RFX2: variants seen among roughly 807,000 people sequenced by gnomAD.
The protein encoded by RFX2 is DNA-binding protein RFX2.
In RFX2, 20 loss-of-function variants were observed where a neutral mutation model predicts 87.8. The ratio of observed to expected loss-of-function variants is 0.23; its 90% CI spans 0.16 to 0.33. The LOEUF is 0.33. RFX2 is among the 10% of genes least tolerant of loss of function. RFX2 has a pLI of 1.00. For missense variants in RFX2, 767 were observed against 1,012.3 expected (o/e 0.76, Z 3.29); for synonymous variants, 397 against 431.3 (o/e 0.92, Z 0.98).
chr19:6,099,931 G>A (rs972155510), intron 1 of RFX2, among the ~76,000 whole-genome samples: 1 of 152,200 alleles, frequency 6.6e-6, no homozygotes, highest in Non-Finnish European at 1.5e-5. Flanking sequence ...GCTTTTGGCA[G>A]GTAGAGGCCT....
chr19:6,007,862 A>G lies in RFX2; in HGVS notation c.1135-60T>C. The stretch of plus-strand genomic sequence containing the variant: ...CGTGCGCCCATCACGTGCACTCAGC[A>G]CACGTCAAGTGAGCAGCCGTGATCC... On this transcript the variant is annotated intron_variant, in intron 10 of 17. Transcript: ENST00000303657. The surrounding 1 kb of genome is among the most constrained non-coding windows in gnomAD (Gnocchi z 8.2). The G allele has an allele frequency of 8.4e-7, 1 of 1,191,410 alleles. No homozygotes were observed. Among genetic ancestry groups the G allele is most frequent in the Non-Finnish European group, 1.2e-6 (1 of 818,976 alleles). 73.8% of individuals were successfully genotyped at this position (1,191,410 alleles called of 1,614,324 possible).
chr19:6,070,744 C>T (rs1262450076), intron 1 of RFX2, among the ~76,000 whole-genome samples: 1 of 152,184 alleles, frequency 6.6e-6, no homozygotes, highest in Non-Finnish European at 1.5e-5. Context: ...CTCTGTCACC[C>T]AGGCTGGAGT....
rs1472427643 is a variant in RFX2, at chr19:6,039,686, A to C, written c.522+294T>G. Among the ~76,000 whole-genome samples the C allele has an allele frequency of 6.6e-6, 1 of 152,226 alleles. No individual in the cohort carries two copies. Among genetic ancestry groups the C allele is most frequent in the Non-Finnish European group, 1.5e-5 (1 of 68,034 alleles). Reference sequence around the variant, plus strand: ...CAATAATAAGAGCAAAGGAGGCTGCAGCATCCACCAGTGGAGAGATGCTTG... The same window carrying C: ...CAATAATAAGAGCAAAGGAGGCTGCCGCATCCACCAGTGGAGAGATGCTTG... On this transcript the variant is annotated intron_variant, in intron 5 of 17. Transcript: ENST00000303657. This position sits in a 1 kb window ranked among gnomAD's most constrained non-coding sequence, Gnocchi z 5.2.
intron 1 of RFX2, among the ~76,000 whole-genome samples, chr19:6,104,344 C>T (rs1003045085): frequency 5.3e-5 from 8 of 151,748 alleles, no homozygotes; most frequent in Non-Finnish European, 1.2e-4. Flanking sequence ...CTGAGGTGGG[C>T]GGATCATGAG....
chr19:6,035,479 G>A (rs2087009786), intron 5 of RFX2, among the ~76,000 whole-genome samples: 1 of 152,148 alleles, frequency 6.6e-6, no homozygotes, highest in Admixed American at 6.5e-5. Context: ...TTTATAATAT[G>A]GATGACATTT....
intron 15 of RFX2, among the ~76,000 whole-genome samples, chr19:6,000,181 C>T (rs190495139): frequency 5.3e-5 from 8 of 152,212 alleles, no homozygotes; most frequent in East Asian, 3.9e-4. Context: ...GATGGGGTTT[C>T]GCCATGTTGG....
In RFX2 at chr19:5,994,889, C is replaced by T. The variant is rs745839109; in HGVS notation, c.2118G>A (p.Glu706=). The stretch of plus-strand genomic sequence containing the variant: ...CACTGCGCTCCCGCTTTACCAGGGG[C>T]TCACCCAGGCTGCGGGCGTCTGGGC... ...EAGPDARSLG[E]PLVKRERSDP... Residue 706 remains glutamate (E), a synonymous_variant, in exon 18 of 18, where the codon GAG becomes GAA. Coordinates refer to ENST00000303657, the MANE Select transcript of RFX2 (RefSeq NM_000635.4). 3.7e-6 allele frequency: 6 copies of T among 1,610,378 alleles called. No homozygotes were observed. In the Admixed American group the frequency reaches 8.3e-5, roughly 22 times the overall value.
intron 1 of RFX2, among the ~76,000 whole-genome samples, chr19:6,089,204 C>T (rs2087898332): frequency 6.6e-6 from 1 of 152,156 alleles, no homozygotes; most frequent in Admixed American, 6.5e-5. Context: ...AATAAAAGGG[C>T]AGGTATCAAA....
At chr19:6,041,802 C>A (rs1012421207) in intron 4 of RFX2, among the ~76,000 whole-genome samples, 1 of 151,966 alleles carries the variant, frequency 6.6e-6, no homozygotes. Context: ...TGGGCTCATG[C>A]GATCCTCCCA....
chr19:6,026,482 G>A lies in RFX2; in HGVS notation c.523-245C>T. 1 of 566,690 alleles carries A rather than the reference G, an allele frequency of 1.8e-6. No homozygotes were observed. Among genetic ancestry groups the A allele is most frequent in the Non-Finnish European group, 3.1e-6 (1 of 318,412 alleles). The allele number at this position is 566,690 out of a possible 1,614,324, so 35.1% of individuals were successfully genotyped here. A position where few individuals can be genotyped will look rare whatever the true frequency, so the allele number is the denominator to read the frequency against. On this transcript the variant is annotated intron_variant, in intron 5 of 17. Transcript: ENST00000303657. The surrounding 1 kb of genome is among the most constrained non-coding windows in gnomAD (Gnocchi z 4.5). ...CCCGAGAGCCCGTCCAACAGAAGCAGCAGAAATCATGTTGTAAAAACTTGC... is the reference window on the plus strand; with the variant it reads ...CCCGAGAGCCCGTCCAACAGAAGCAACAGAAATCATGTTGTAAAAACTTGC...
At chr19:6,046,513 C>G (rs1024011516) in intron 2 of RFX2, among the ~76,000 whole-genome samples, 1 of 149,068 alleles carries the variant, frequency 6.7e-6, no homozygotes, top group Admixed American at 6.7e-5. Flanking sequence ...CCTGGGAGAT[C>G]GTGCCACTGC....
chr19:6,063,128 G>T lies in RFX2; in HGVS notation c.-8-15624C>A, dbSNP rs1440803553. On this transcript the variant is annotated intron_variant, in intron 1 of 17. Coordinates refer to ENST00000303657, the MANE Select transcript of RFX2 (RefSeq NM_000635.4). The surrounding 1 kb of genome is among the most constrained non-coding windows in gnomAD (Gnocchi z 4.0). ...TTCTCCCTCATGCATCCAGCTACTTGGTTTGAAACTCTCCCCTGGCGCCTG... is the reference window on the plus strand; with the variant it reads ...TTCTCCCTCATGCATCCAGCTACTTTGTTTGAAACTCTCCCCTGGCGCCTG... 1.3e-5 allele frequency among the ~76,000 whole-genome samples: 2 copies of T among 152,096 alleles called. No individual in the cohort carries two copies. The highest frequency in any genetic ancestry group is 2.9e-5 in the Non-Finnish European group (2 of 68,022).
intron 1 of RFX2, among the ~76,000 whole-genome samples, chr19:6,108,465 C>T (rs1037814920): frequency 6.6e-6 from 1 of 152,044 alleles, no homozygotes. Flanking sequence ...TATGTACAGG[C>T]AAAAATTTTT....
rs764101937 is a variant in RFX2, at chr19:6,047,429, G to A, written c.68C>T (p.Pro23Leu). The change falls in exon 2 of 18, where the codon CCG becomes CTG. Residue 23 changes from proline (P) to leucine (L), a missense_variant. This residue lies in a region of RFX2 where 146 missense variants were observed against 139.2 expected (regional missense o/e 1.05). Transcript: ENST00000303657. The surrounding 1 kb of genome is among the most constrained non-coding windows in gnomAD (Gnocchi z 4.2). Reference protein sequence around the residue: ...SVALRPSAAAPPVPASPQRVL... With the variant: ...SVALRPSAAALPVPASPQRVL... The stretch of plus-strand genomic sequence containing the variant: ...TACCTGCGGGGAGGCTGGCACAGGC[G>A]GGGCTGCCGCCGAGGGACGCAGAGC... 14 of 1,601,150 alleles carry A rather than the reference G, an allele frequency of 8.7e-6. 1 individual carries two copies. The highest frequency in any genetic ancestry group is 1.6e-4 in the Middle Eastern group (1 of 6,074).
intron 5 of RFX2, among the ~76,000 whole-genome samples, chr19:6,033,919 G>A (rs2086985138): frequency 6.6e-6 from 1 of 152,224 alleles, no homozygotes; most frequent in Non-Finnish European, 1.5e-5. Flanking sequence ...AGTATCTTGA[G>A]TGTGGGAATG....
intron 1 of RFX2, chr19:6,049,027 A>C (rs976118718): frequency 1.3e-5 from 2 of 151,872 alleles, no homozygotes; most frequent in Non-Finnish European, 2.9e-5. Context: ...CGTTAACTAA[A>C]CCTTACACAG....
intron 1 of RFX2, among the ~76,000 whole-genome samples, chr19:6,108,404 G>A (rs768094581): frequency 9.9e-5 from 15 of 152,140 alleles, no homozygotes; most frequent in Non-Finnish European, 2.1e-4. Flanking sequence ...CTTTCCATAA[G>A]CAAACAATGT....
At chr19:6,072,523 C>T (rs2087621873) in intron 1 of RFX2, among the ~76,000 whole-genome samples, 1 of 151,912 alleles carries the variant, frequency 6.6e-6, no homozygotes, top group African/African-American at 2.4e-5. Context: ...GGTAACAAAG[C>T]GAGACCTCGT....
chr19:6,052,320 A>G (rs2087276794), intron 1 of RFX2, among the ~76,000 whole-genome samples: 1 of 152,230 alleles, frequency 6.6e-6, no homozygotes, highest in Non-Finnish European at 1.5e-5. Flanking sequence ...AAGATGATCA[A>G]TTTATCAGTA....
Sources: gnomAD v4.1 joint callset for allele counts (sites outside exome capture counted in the v4.1 genomes callset) on GRCh38, gnomAD v4.1.1 for gene constraint, gnomAD v4.1.1 regional missense constraint, Gnocchi (gnomAD v3.1) non-coding constraint, MANE v1.5 for transcripts, NCBI Gene and HGNC (gene_info 2026-07-23, HGNC 2026-07-21) for gene names.